Variants in TIMP3 observed in about 807,000 individuals in gnomAD.
TIMP3 encodes TIMP metallopeptidase inhibitor 3.
In TIMP3, 11 loss-of-function variants were observed where a neutral mutation model predicts 30.0. The observed-to-expected ratio is 0.37, with a 90% CI of 0.23 to 0.61. TIMP3 has a LOEUF of 0.61. Among genes scored for constraint, TIMP3 ranks in the 20% least tolerant of loss-of-function variants. The probability of loss-of-function intolerance (pLI) is 0.70; values close to 1 mark genes in which losing one functional copy is unlikely to be tolerated. For missense variants in TIMP3, 181 were observed against 276.8 expected (o/e 0.65, Z 2.45); for synonymous variants, 112 against 111.3 (o/e 1.01, Z -0.04).
chr22:32,845,205 T>A (rs1288843790), intron 1 of TIMP3, among the ~76,000 whole-genome samples: 1 of 147,172 alleles, frequency 6.8e-6, no homozygotes, highest in Non-Finnish European at 1.5e-5. Flanking sequence ...AGCCATAAAC[T>A]TTTTTTTTTT....
intron 1 of TIMP3, among the ~76,000 whole-genome samples, chr22:32,819,692 A>G (rs1213027882): frequency 6.6e-6 from 1 of 152,056 alleles, no homozygotes; most frequent in Non-Finnish European, 1.5e-5. Context: ...GAGTAAGCAC[A>G]CTCTAGGGGC....
chr22:32,811,399 G>C (rs2145989206), intron 1 of TIMP3, among the ~76,000 whole-genome samples: 2 of 152,328 alleles, frequency 1.3e-5, no homozygotes, highest in African/African-American at 4.8e-5. Context: ...TGTTGTTATA[G>C]AGCAGAGCTG....
rs1343422309 is a variant in TIMP3, at chr22:32,861,145, G to A, written c.*1768G>A. ...TGTATCTTCAGTTCATTCCACTTTA[G>A]GAAACAGAGCTGCCAATTGAAACAG... On this transcript the variant is annotated 3_prime_UTR_variant, in exon 5 of 5. Transcript: ENST00000266085. The A allele has an allele frequency of 6.8e-6, 1 of 146,982 alleles. No individual in the cohort carries two copies. Among genetic ancestry groups the A allele is most frequent in the East Asian group, 2.0e-4 (1 of 4,990 alleles). 9.1% of individuals were successfully genotyped at this position (146,982 alleles called of 1,614,324 possible).
rs766319246 is a variant in TIMP3 at position 32,801,962 on chromosome 22, G to A, written c.-40G>A. ...CGGCGGCGCGCACGGCAACTTTGGA[G>A]AGGCGAGCAGCAGCCCCGGCAGCGG... On this transcript the variant is annotated 5_prime_UTR_variant, in exon 1 of 5. Transcript: ENST00000266085. The surrounding 1 kb of genome is among the most constrained non-coding windows in gnomAD (Gnocchi z 4.7). 2 of 1,570,600 alleles carry A rather than the reference G, an allele frequency of 1.3e-6. No homozygotes were observed. Among genetic ancestry groups the A allele is most frequent in the Admixed American group, 1.8e-5 (1 of 56,260 alleles).
chr22:32,832,337 T>TA (rs2047597769), intron 1 of TIMP3, among the ~76,000 whole-genome samples: 1 of 152,192 alleles, frequency 6.6e-6, no homozygotes, highest in Non-Finnish European at 1.5e-5. Context: ...ATGGGACTCT[T>TA]AGATTCTAGG....
chr22:32,857,730 T>G (rs2048411155), intron 3 of TIMP3, among the ~76,000 whole-genome samples: 1 of 152,096 alleles, frequency 6.6e-6, no homozygotes, highest in Admixed American at 6.6e-5. Flanking sequence ...AAAACAAAAA[T>G]CATTATAAAG....
chr22:32,805,957 T>G (rs762249232), intron 1 of TIMP3, among the ~76,000 whole-genome samples: 12 of 151,914 alleles, frequency 7.9e-5, no homozygotes, highest in Non-Finnish European at 1.6e-4. Context: ...TTATTATTAT[T>G]CTAGTGTATC....
intron 1 of TIMP3, among the ~76,000 whole-genome samples, chr22:32,848,542 G>C (rs905102661): frequency 6.6e-6 from 1 of 152,114 alleles, no homozygotes. Context: ...AATGGGAGCT[G>C]TTTTCATTGG....
Position 32,859,654 on chromosome 22 carries a change from C to A in TIMP3, c.*277C>A. ...AGAATGAGGAACCTGTATTCCTCTT[C>A]TTCGTGATAATATAATCTCTATTTT... On this transcript the variant is annotated 3_prime_UTR_variant, in exon 5 of 5. Coordinates refer to ENST00000266085, the MANE Select transcript of TIMP3 (RefSeq NM_000362.5). The A allele has an allele frequency of 4.3e-6, 2 of 462,704 alleles. No homozygotes were observed. The highest frequency in any genetic ancestry group is 7.7e-6 in the Non-Finnish European group (2 of 260,308). The allele number at this position is 462,704 out of a possible 1,614,324, so 28.7% of individuals were successfully genotyped here.
chr22:32,842,958 A>G lies in TIMP3; in HGVS notation c.122-6494A>G, dbSNP rs140013116. 6.1e-3 allele frequency among the ~76,000 whole-genome samples: 926 copies of G among 152,292 alleles called. 12 individuals carry two copies. The highest frequency in any genetic ancestry group is 0.021 in the African/African-American group (855 of 41,560). On this transcript the variant is annotated intron_variant, in intron 1 of 4. Coordinates refer to ENST00000266085, the MANE Select transcript of TIMP3 (RefSeq NM_000362.5). The stretch of plus-strand genomic sequence containing the variant: ...CAAGGGTCCTTCCTTTTAGGTATCA[A>G]TCTTCTTCTCTGATCCTCTGCAGTG...
chr22:32,817,002 G>A (rs1383977328), intron 1 of TIMP3, among the ~76,000 whole-genome samples: 2 of 151,640 alleles, frequency 1.3e-5, no homozygotes, highest in Non-Finnish European at 1.5e-5. Flanking sequence ...AGGATCGCTT[G>A]AGCCCAGGAA....
intron 2 of TIMP3, among the ~76,000 whole-genome samples, chr22:32,855,904 G>T (rs1025027916): frequency 6.6e-6 from 1 of 152,164 alleles, no homozygotes; most frequent in Admixed American, 6.5e-5. Context: ...CAATTATAAA[G>T]TATTTAACAG....
intron 1 of TIMP3, among the ~76,000 whole-genome samples, chr22:32,834,867 TC>T (rs2047684109): frequency 6.6e-6 from 1 of 152,082 alleles, no homozygotes; most frequent in South Asian, 2.1e-4. Flanking sequence ...TGTGGAACAG[TC>T]CTAAAGAATC....
At chr22:32,839,887 A>G (rs1470897858) in intron 1 of TIMP3, among the ~76,000 whole-genome samples, 2 of 151,844 alleles carry the variant, frequency 1.3e-5, no homozygotes, top group African/African-American at 4.8e-5. Context: ...CCTTCATTTC[A>G]TCTACAACAG....
chr22:32,844,510 A>C (rs990889331), intron 1 of TIMP3, among the ~76,000 whole-genome samples: 3 of 152,198 alleles, frequency 2.0e-5, no homozygotes, highest in African/African-American at 7.2e-5. Context: ...ATTCAAAGGA[A>C]GCAAAGACAG....
intron 1 of TIMP3, among the ~76,000 whole-genome samples, chr22:32,829,724 A>G (rs2047520497): frequency 1.3e-5 from 2 of 152,202 alleles, no homozygotes; most frequent in Admixed American, 6.5e-5. Flanking sequence ...TGCCAACTCC[A>G]TAGCTCTCAT....
intron 4 of TIMP3, 98 bp downstream of exon 4, chr22:32,858,236 G>T (rs1415892567): frequency 6.4e-7 from 1 of 1,552,120 alleles, no homozygotes; most frequent in Non-Finnish European, 8.8e-7. Flanking sequence ...CCTCGGCTGG[G>T]AAGGGTATGC....
rs904287329 is a variant in TIMP3, at chr22:32,837,583, T to C, written c.122-11869T>C. 1.1e-4 allele frequency among the ~76,000 whole-genome samples: 17 copies of C among 152,024 alleles called. No individual in the cohort carries two copies. The highest frequency in any genetic ancestry group is 4.1e-4 in the African/African-American group (17 of 41,396). ...CTAACGTTGAAGATTAGAAATGGGATGTGCACTGGAATGAGATCATTTGTG... is the reference window on the plus strand; with the variant it reads ...CTAACGTTGAAGATTAGAAATGGGACGTGCACTGGAATGAGATCATTTGTG... On this transcript the variant is annotated intron_variant, in intron 1 of 4. Coordinates refer to ENST00000266085, the MANE Select transcript of TIMP3 (RefSeq NM_000362.5). The surrounding 1 kb of genome is among the most constrained non-coding windows in gnomAD (Gnocchi z 4.1).
At chr22:32,806,410 C>T (rs1382073698) in intron 1 of TIMP3, among the ~76,000 whole-genome samples, 1 of 152,168 alleles carries the variant, frequency 6.6e-6, no homozygotes, top group African/African-American at 2.4e-5. Flanking sequence ...AAAACAAAAA[C>T]AACAACACGA....
Sources: gnomAD v4.1 joint callset for allele counts (sites outside exome capture counted in the v4.1 genomes callset) on GRCh38, gnomAD v4.1.1 for gene constraint, Gnocchi (gnomAD v3.1) non-coding constraint, MANE v1.5 for transcripts, NCBI Gene and HGNC (gene_info 2026-07-23, HGNC 2026-07-21) for gene names.